METTL13: variants seen among roughly 807,000 people sequenced by gnomAD.
METTL13 encodes eEF1A lysine and N-terminal methyltransferase.
METTL13 carries 52 observed loss-of-function variants against 67.4 expected under a neutral mutation model. The observed-to-expected ratio is 0.77, with a 90% CI of 0.62 to 0.97. The LOEUF is 0.97. Ranked by LOEUF, METTL13 falls within the 50% of genes least tolerant of loss-of-function variation. METTL13 has a pLI of 0.00. For missense variants in METTL13, 825 were observed against 889.6 expected (o/e 0.93, Z 0.92); for synonymous variants, 354 against 353.6 (o/e 1.00, Z -0.01).
chr1:171,794,465 C>T lies in METTL13; in HGVS notation c.1763C>T (p.Pro588Leu), dbSNP rs767163651. 1.6e-5 allele frequency: 26 copies of T among 1,614,138 alleles called. No homozygotes were observed. Among genetic ancestry groups the T allele is most frequent in the East Asian group, 2.2e-5 (1 of 44,880 alleles). The change falls in exon 7 of 8, where the codon CCG (proline) becomes CTG (leucine). Residue 588 changes from proline to leucine, a missense_variant. Pro to Leu is a moderately conservative substitution (Grantham distance 98). Coordinates refer to ENST00000361735, the MANE Select transcript of METTL13 (RefSeq NM_015935.5). ...GACCCAACACTGGGAATGAGTTGTC[C>T]GCCCCCAGCATTTGTGGAGCAATCT... ...SKDPTLGMSC[P>L]PPAFVEQSFL...
In METTL13 at chr1:171,783,818, G is replaced by A. The variant is rs763335545; in HGVS notation, c.232G>A (p.Asp78Asn). The A allele has an allele frequency of 8.7e-6, 14 of 1,614,042 alleles. No individual in the cohort carries two copies. The highest frequency in any genetic ancestry group is 1.3e-5 in the African/African-American group (1 of 74,900). ...DVGYRDIVNI[D>N]ISEVVIKQMK... is the part of the protein sequence containing the mutation. ...GGGCTATCGGGATATAGTGAACATC[G>A]ACATCAGTGAGGTTGTCATCAAGCA... The change falls in exon 2 of 8, where the codon GAC becomes AAC. Residue 78 changes from aspartate to asparagine, a missense_variant. Physicochemically the swap from Asp to Asn is conservative, Grantham distance 23 (BLOSUM62 1). Coordinates refer to ENST00000361735, the MANE Select transcript of METTL13 (RefSeq NM_015935.5).
chr1:171,783,660 G>A (rs1403265803), intron 1 of METTL13, 80 bp from the exon 2 acceptor site: 2 of 1,498,968 alleles, frequency 1.3e-6, no homozygotes, highest in Non-Finnish European at 1.8e-6. Context: ...CAGCCAAGGT[G>A]AGACTTGATT....
chr1:171,788,849 G>A (rs944305082), intron 4 of METTL13, among the ~76,000 whole-genome samples: 1 of 152,200 alleles, frequency 6.6e-6, no homozygotes, highest in African/African-American at 2.4e-5. Flanking sequence ...TGCCCTCATA[G>A]CAAGGCCATC....
At chr1:171,782,846 A>G (rs562351967) in intron 1 of METTL13, among the ~76,000 whole-genome samples, 1 of 152,232 alleles carries the variant, frequency 6.6e-6, no homozygotes, top group Non-Finnish European at 1.5e-5. Context: ...GTGAAACGTG[A>G]TAAGTACAAC....
intron 5 of METTL13, 86 bp downstream of exon 5, chr1:171,790,702 G>C: frequency 7.7e-7 from 1 of 1,299,224 alleles, no homozygotes; most frequent in Non-Finnish European, 1.0e-6. Context: ...TGTAGTTGAA[G>C]AACAGCAATT....
chr1:171,785,885 A>G lies in METTL13; in HGVS notation c.920A>G (p.Gln307Arg), dbSNP rs1656991204. 1 of 1,612,682 alleles carries G rather than the reference A, an allele frequency of 6.2e-7. No individual in the cohort carries two copies. Among genetic ancestry groups the G allele is most frequent in the Non-Finnish European group, 8.5e-7 (1 of 1,179,916 alleles). Residue 307 changes from glutamine to arginine, a missense_variant, in exon 3 of 8, where the codon CAG becomes CGG. By Grantham distance (43) the Gln-to-Arg change is conservative. Transcript: ENST00000361735. ...DNHFAIFIIP[Q>R]GRETEWLFGM... ...ACCAAGTTCTTTTTTCTAGTCCCTC[A>G]GGGCCGGGAGACCGAGTGGCTCTTT...
At chr1:171,789,848 T>TG (rs1657143949) in intron 4 of METTL13, among the ~76,000 whole-genome samples, 31 of 99,456 alleles carry the variant, frequency 3.1e-4, no homozygotes, top group African/African-American at 7.1e-4. Flanking sequence ...TGGGGCGGGG[T>TG]AGGGGGGGCA....
chr1:171,790,592 C>A lies in METTL13; in HGVS notation c.1450C>A (p.Leu484Met). The part of the protein sequence containing the change: ...HKAMIAGLAL[L>M]RNPELLLEIP... The stretch of plus-strand genomic sequence containing the variant: ...AGCCATGATCGCTGGCCTTGCCCTG[C>A]TGAGAAACCCAGAGCTACTCCTAGG... Residue 484 changes from leucine to methionine, a missense_variant, in exon 5 of 8, where the codon CTG becomes ATG. Transcript: ENST00000361735. The A allele has an allele frequency of 6.3e-7, 1 of 1,578,626 alleles. No individual in the cohort carries two copies.
chr1:171,790,635 C>A lies in METTL13; in HGVS notation c.1474+19C>A. 6.7e-7 allele frequency: 1 copy of A among 1,503,248 alleles called. No individual in the cohort carries two copies. The highest frequency in any genetic ancestry group is 1.4e-5 in the South Asian group (1 of 73,108). The allele number at this position is 1,503,248 out of a possible 1,614,324, so 93.1% of individuals were successfully genotyped here. On this transcript the variant is annotated intron_variant, in intron 5 of 7. Transcript: ENST00000361735. The stretch of plus-strand genomic sequence containing the variant: ...CTCCTAGGTGAGAGAGATGCCACTG[C>A]CTTCCACAGAAGGGAGCATAAAGAT...
At position 171,787,798 on chromosome 1, in the gene METTL13, C is replaced by T. The variant is rs1423080285; in HGVS notation, c.1177C>T (p.Pro393Ser). 6.2e-7 allele frequency: 1 copy of T among 1,614,138 alleles called. No individual in the cohort carries two copies. The highest frequency in any genetic ancestry group is 1.7e-5 in the Admixed American group (1 of 60,014). ...VRTVQHQDCS[P>S]LSGDYVIEDV... The stretch of plus-strand genomic sequence containing the variant: ...GACCGTTCAGCACCAAGACTGCAGC[C>T]CCTTGAGCGGTGACTATGTCATTGA... The change falls in exon 4 of 8, where the codon CCC becomes TCC. Residue 393 changes from proline to serine, a missense_variant. Coordinates refer to ENST00000361735, the MANE Select transcript of METTL13 (RefSeq NM_015935.5).
Position 171,787,903 on chromosome 1 carries a change from A to G in METTL13, c.1282A>G (p.Arg428Gly). The G allele has an allele frequency of 5.6e-6, 9 of 1,613,808 alleles. No homozygotes were observed. The highest frequency in any genetic ancestry group is 7.6e-6 in the Non-Finnish European group (9 of 1,179,974). The change falls in exon 4 of 8, where the codon AGG (arginine) becomes GGG (glycine). Residue 428 changes from arginine to glycine, a missense_variant. Arg to Gly is a moderately radical substitution (Grantham distance 125). Transcript: ENST00000361735. ...CAGGAATGTGGTGCAGTCCGAAGCC[A>G]GGTTGCTGAAGGATGTGTCTCACAA... ...SNRNVVQSEA[R>G]LLKDVSHKAQ...
intron 7 of METTL13, among the ~76,000 whole-genome samples, chr1:171,795,834 A>G (rs1657350653): frequency 6.6e-6 from 1 of 152,188 alleles, no homozygotes. Context: ...TGGAGTTGGT[A>G]AATTTTACTT....
In METTL13 at chr1:171,781,941, T is replaced by A. The variant is rs1382942617; in HGVS notation, c.-27T>A. 7 of 1,613,206 alleles carry A rather than the reference T, an allele frequency of 4.3e-6. No homozygotes were observed. Among genetic ancestry groups the A allele is most frequent in the Non-Finnish European group, 5.9e-6 (7 of 1,179,586 alleles). On this transcript the variant is annotated 5_prime_UTR_variant, in exon 1 of 8. Transcript: ENST00000361735. ...TATCTCACAGGGAATAGGGGAGTCT[T>A]GAAAACGCAGCTTCGGCAGTAGGAA... is the stretch of plus-strand genomic sequence containing the variant.
chr1:171,794,647 A>G, intron 7 of METTL13, 120 bp downstream of exon 7: 3 of 1,378,646 alleles, frequency 2.2e-6, no homozygotes, highest in East Asian at 2.5e-5. Flanking sequence ...TAATACACCC[A>G]TTTACTAGCA....
intron 4 of METTL13, 62 bp downstream of exon 4, chr1:171,787,992 G>C (rs1235666462): frequency 2.0e-5 from 31 of 1,562,522 alleles, no homozygotes; most frequent in Non-Finnish European, 2.6e-5. Context: ...AGATTTCTTG[G>C]GAGCTTGGCC....
intron 6 of METTL13, 147 bp from the exon 7 acceptor site, chr1:171,794,249 G>A (rs1369422591): frequency 8.5e-7 from 1 of 1,170,626 alleles, no homozygotes; most frequent in African/African-American, 1.5e-5. Flanking sequence ...TGACATCAGT[G>A]CCCTTACAGG....
intron 5 of METTL13, among the ~76,000 whole-genome samples, chr1:171,791,408 G>C (rs1476498408): frequency 6.6e-6 from 1 of 152,170 alleles, no homozygotes; most frequent in Non-Finnish European, 1.5e-5. Context: ...CTGCTGCCTT[G>C]TAATCATGAG....
intron 3 of METTL13, 43 bp from the exon 4 acceptor site, chr1:171,787,692 A>G (rs1657064618): frequency 1.9e-6 from 3 of 1,568,382 alleles, no homozygotes; most frequent in Admixed American, 1.8e-5. Context: ...CTTATTTCTT[A>G]AATGAGCTGC....
intron 1 of METTL13, among the ~76,000 whole-genome samples, chr1:171,783,232 C>A (rs1656885167): frequency 6.6e-6 from 1 of 151,980 alleles, no homozygotes; most frequent in Non-Finnish European, 1.5e-5. Flanking sequence ...GAGAGGGAGA[C>A]AACAATCTGA....
Sources: gnomAD v4.1 joint callset for allele counts (sites outside exome capture counted in the v4.1 genomes callset) on GRCh38, gnomAD v4.1.1 for gene constraint, MANE v1.5 for transcripts, NCBI Gene and HGNC (gene_info 2026-07-23, HGNC 2026-07-21) for gene names.